MDN1: variants seen among roughly 807,000 people sequenced by gnomAD.
MDN1 encodes midasin AAA ATPase 1, also known as midasin.
A neutral mutation model predicts 669.2 loss-of-function variants in MDN1; 266 were observed. The ratio of observed to expected loss-of-function variants is 0.40; its 90% confidence interval spans 0.36 to 0.44. The LOEUF is 0.44. MDN1 is among the 20% of genes least tolerant of loss of function. The probability of loss-of-function intolerance (pLI) is 1.00; values close to 1 mark genes in which losing one functional copy is unlikely to be tolerated. For missense variants in MDN1, 5,940 were observed against 6,754.0 expected (o/e 0.88, Z 4.22); for synonymous variants, 2,385 against 2,457.1 (o/e 0.97, Z 0.87).
intron 58 of MDN1, 39 bp downstream of exon 58, chr6:89,699,562 A>G (rs774881976): frequency 7.3e-5 from 114 of 1,570,558 alleles, no homozygotes; most frequent in Admixed American, 3.0e-4. Context: ...TAACCAACTC[A>G]TAATGTAAAG....
intron 15 of MDN1, among the ~76,000 whole-genome samples, chr6:89,768,491 T>G (rs923956062): frequency 2.6e-5 from 4 of 152,206 alleles, no homozygotes; most frequent in Admixed American, 2.0e-4. Flanking sequence ...TCTTTGTAAA[T>G]TATCCAGTCT....
rs1327350109 is a variant in MDN1 at position 89,730,775 on chromosome 6, G to T, written c.5091C>A (p.Phe1697Leu). The T allele has an allele frequency of 6.2e-7, 1 of 1,614,012 alleles. No homozygotes were observed. The highest frequency in any genetic ancestry group is 8.5e-7 in the Non-Finnish European group (1 of 1,179,950). The part of the protein sequence containing the change: ...KIYDRMKAKE[F>L]TGIDNLWGIH... The stretch of plus-strand genomic sequence containing the variant: ...TTCCCCAAAGGTTATCTATTCCAGT[G>T]AATTCTTTGGCCTTCATTCTGTCAT... Residue 1697 changes from phenylalanine (F) to leucine (L), a missense_variant, in exon 35 of 102, where the codon TTC becomes TTA. Physicochemically the swap from Phe to Leu is conservative, Grantham distance 22. This residue lies in a region of MDN1 where 2,292 missense variants were observed against 2,638.3 expected (regional missense o/e 0.87). Transcript: ENST00000369393.
At chr6:89,770,790 G>A (rs939277282) in intron 15 of MDN1, among the ~76,000 whole-genome samples, 1 of 151,994 alleles carries the variant, frequency 6.6e-6, no homozygotes, top group Non-Finnish European at 1.5e-5. Context: ...GGTGTGAGCC[G>A]CCACGCCTGG....
At chr6:89,747,275 A>G (rs1400088276) in intron 27 of MDN1, 54 bp downstream of exon 27, 2 of 1,579,784 alleles carry the variant, frequency 1.3e-6, no homozygotes, top group Non-Finnish European at 1.7e-6. Context: ...GTTTTAATAA[A>G]AAGTTTGACA....
Position 89,758,879 on chromosome 6 carries a change from A to G in MDN1, c.2542T>C (p.Cys848Arg), listed in dbSNP as rs765502065. ...INLAAPEILE[C>R]LSGLLEGSSG... Reference sequence around the variant, plus strand: ...GATCCTTCAAGCAAACCACTCAGACATTCTAGTATTTCTGGAGCAGCCAAG... The same window carrying G: ...GATCCTTCAAGCAAACCACTCAGACGTTCTAGTATTTCTGGAGCAGCCAAG... The change falls in exon 18 of 102, where the codon TGT (cysteine) becomes CGT (arginine). Residue 848 changes from cysteine to arginine, a missense_variant. Physicochemically the swap from Cys to Arg is radical, Grantham distance 180. Around this residue, in one of 5 missense-constraint regions of MDN1, gnomAD observed 1,203 missense variants for 1,268.9 expected, o/e 0.95. Transcript: ENST00000369393. 4 of 1,614,062 alleles carry G rather than the reference A, an allele frequency of 2.5e-6. No individual in the cohort carries two copies. The highest frequency in any genetic ancestry group is 3.4e-6 in the Non-Finnish European group (4 of 1,180,016).
intron 46 of MDN1, among the ~76,000 whole-genome samples, chr6:89,713,683 C>G (rs911318048): frequency 6.6e-6 from 1 of 152,148 alleles, no homozygotes; most frequent in South Asian, 2.1e-4. Context: ...TTATTATTAA[C>G]TGATAAATTA....
In MDN1 at chr6:89,713,299, A is replaced by G. The variant is rs368406790; in HGVS notation, c.7070-3T>C. On this transcript the variant is annotated splice_region_variant and splice_polypyrimidine_tract_variant and intron_variant, in intron 46 of 101. Transcript: ENST00000369393. ...TGATACAGAAGATGTTGGAGAACCTATTAAAAAAAAATTGCCATCTATAAA... is the reference window on the plus strand; with the variant it reads ...TGATACAGAAGATGTTGGAGAACCTGTTAAAAAAAAATTGCCATCTATAAA... The G allele has an allele frequency of 6.2e-7, 1 of 1,603,226 alleles. No individual in the cohort carries two copies.
At position 89,700,244 on chromosome 6, in the gene MDN1, C is replaced by G. The variant is rs753107886; in HGVS notation, c.8689G>C (p.Gly2897Arg). The G allele has an allele frequency of 1.8e-5, 29 of 1,614,046 alleles. No homozygotes were observed. Among genetic ancestry groups the G allele is most frequent in the Non-Finnish European group, 2.5e-5 (29 of 1,180,024 alleles). The change falls in exon 57 of 102, where the codon GGA becomes CGA. Residue 2897 changes from glycine (G) to arginine (R), a missense_variant. By Grantham distance (125) the Gly-to-Arg change is moderately radical. Transcript: ENST00000369393. The stretch of plus-strand genomic sequence containing the variant: ...TTCTCCAGAAAACCAAGTGAGAGTC[C>G]TTTGGCTTTCAGTTCTAAACACTGA... ...HAQCLELKAK[G>R]LSLGFLEKKH...
At position 89,659,370 on chromosome 6, in the gene MDN1, C is replaced by T. The variant is rs181405339; in HGVS notation, c.14714-453G>A. Among the ~76,000 whole-genome samples the T allele has an allele frequency of 4.7e-4, 72 of 152,298 alleles. 1 individual carries two copies. The highest frequency in any genetic ancestry group is 2.6e-4 in the Non-Finnish European group (18 of 68,018). On this transcript the variant is annotated intron_variant, in intron 88 of 101. Coordinates refer to ENST00000369393, the MANE Select transcript of MDN1 (RefSeq NM_014611.3). ...TCTGGGTGAGAGGGCAAGACCCTGT[C>T]TCCAAAAACAAGTAAAGTTTTTACT...
In MDN1 at chr6:89,700,688, C is replaced by A. The variant is rs767973377; in HGVS notation, c.8596G>T (p.Gly2866Ter). The A allele has an allele frequency of 1.3e-5, 21 of 1,614,038 alleles. No individual in the cohort carries two copies. The highest frequency in any genetic ancestry group is 1.7e-6 in the Non-Finnish European group (2 of 1,180,042). ...AAAATATTTGCTCTGAGGATCAGTC[C>A]CCAGGCTTGCAGGAGACTTTTCTTT... Reference protein sequence around the residue: ...TLKKSLLQAWGLILRANILED... With the variant: ...TLKKSLLQAW Residue 2866 changes from glycine (G) to a stop codon, truncating the protein, a stop_gained, in exon 56 of 102, where the codon GGA becomes TGA. Transcript: ENST00000369393. LOFTEE classifies it high-confidence loss of function.
At chr6:89,721,820 GAACA>G (rs1814842146) in intron 40 of MDN1, among the ~76,000 whole-genome samples, 1 of 152,098 alleles carries the variant, frequency 6.6e-6, no homozygotes, top group African/African-American at 2.4e-5. Flanking sequence ...AAAAAAATAA[GAACA>G]AACAGAATGG....
chr6:89,816,401 G>A lies in MDN1; in HGVS notation c.102+3105C>T, dbSNP rs149614430. The stretch of plus-strand genomic sequence containing the variant: ...GGTGACAGAGCAAGACTCCATCTCC[G>A]TCTAGGGGCGGGGGTGAGGAGACTG... On this transcript the variant is annotated intron_variant, in intron 1 of 101. Transcript: ENST00000369393. Among the ~76,000 whole-genome samples, 267 of 143,968 alleles carry A rather than the reference G, an allele frequency of 1.9e-3. 6 individuals carry two copies. In the Middle Eastern group the frequency reaches 0.021, roughly 11 times the overall value. The allele number at this position is 143,968 out of a possible 152,430, so 94.4% of individuals were successfully genotyped here.
chr6:89,698,940 G>A lies in MDN1; in HGVS notation c.9093C>T (p.Tyr3031=), dbSNP rs771707251. ...CAGGCAAAGGGTTCCACATTAGCCAGTACTCTGGATTTGTGGTCACAGTAC... is the reference window on the plus strand; with the variant it reads ...CAGGCAAAGGGTTCCACATTAGCCAATACTCTGGATTTGTGGTCACAGTAC... The part of the protein sequence containing the change: ...WSSTVTTNPE[Y]WLMWNPLPGM... The change falls in exon 59 of 102, where the codon TAC becomes TAT. Residue 3031 remains tyrosine (Y), a synonymous_variant. Transcript: ENST00000369393. 3.7e-6 allele frequency: 6 copies of A among 1,613,980 alleles called. No individual in the cohort carries two copies. The highest frequency in any genetic ancestry group is 4.2e-6 in the Non-Finnish European group (5 of 1,180,004).
In MDN1 at chr6:89,781,578, T is replaced by G; in HGVS notation, c.1464A>C (p.Arg488Ser). 6.2e-7 allele frequency: 1 copy of G among 1,601,856 alleles called. No individual in the cohort carries two copies. The highest frequency in any genetic ancestry group is 2.2e-5 in the East Asian group (1 of 44,638). The change falls in exon 10 of 102, where the codon AGA becomes AGC. Residue 488 changes from arginine to serine, a missense_variant. Around this residue, in one of 5 missense-constraint regions of MDN1, gnomAD observed 1,203 missense variants for 1,268.9 expected, o/e 0.95. Transcript: ENST00000369393. ...KRELNEVLQS[R>S]YPSLLAVVDH... ...CAACCACTGCCAATAGGCTAGGATA[T>G]CTGCTCTGAAGAACCTGACAGAGGG...
At chr6:89,667,918 T>C in intron 84 of MDN1, 96 bp downstream of exon 84, 1 of 1,474,130 alleles carries the variant, frequency 6.8e-7, no homozygotes, top group Non-Finnish European at 9.2e-7. Context: ...AGATTAAAAA[T>C]TATTAACCTA....
Position 89,645,044 on chromosome 6 carries a change from A to C in MDN1, c.16573T>G (p.Phe5525Val), listed in dbSNP as rs1808400669. ...GAACTGGGATTGTCCAATACAACAA[A>C]GATGACAAAGATATTTGCATTCCGG... is the stretch of plus-strand genomic sequence containing the variant. ...AARNANIFVI[F>V]VVLDNPSSRD... Residue 5525 changes from phenylalanine to valine, a missense_variant, in exon 101 of 102, where the codon TTT becomes GTT. Physicochemically the swap from Phe to Val is conservative, Grantham distance 50. This residue lies in a region of MDN1 where 2,280 missense variants were observed against 2,576.3 expected (regional missense o/e 0.88). Coordinates refer to ENST00000369393, the MANE Select transcript of MDN1 (RefSeq NM_014611.3). The C allele has an allele frequency of 6.2e-7, 1 of 1,608,622 alleles. No homozygotes were observed. Among genetic ancestry groups the C allele is most frequent in the South Asian group, 1.1e-5 (1 of 90,916 alleles).
At chr6:89,659,900 T>C (rs968754612) in intron 88 of MDN1, among the ~76,000 whole-genome samples, 2 of 152,224 alleles carry the variant, frequency 1.3e-5, no homozygotes, top group Admixed American at 6.5e-5. Context: ...TTTTTTTATT[T>C]TTTTGAGATG....
chr6:89,760,539 C>T (rs1034122507), intron 17 of MDN1, among the ~76,000 whole-genome samples: 2 of 152,072 alleles, frequency 1.3e-5, no homozygotes, highest in African/African-American at 4.8e-5. Context: ...CTGTTCATTG[C>T]ACCACTATGC....
At chr6:89,680,494 G>T in intron 74 of MDN1, 95 bp downstream of exon 74, 1 of 1,429,646 alleles carries the variant, frequency 7.0e-7, no homozygotes, top group Non-Finnish European at 9.4e-7. Flanking sequence ...ACTACACAAG[G>T]TATCAAAAAA....
Sources: allele counts gnomAD v4.1 joint callset (sites outside exome capture counted in the v4.1 genomes callset), GRCh38; gene constraint gnomAD v4.1.1; regional missense constraint gnomAD v4.1.1; transcripts MANE v1.5; gene names NCBI Gene and HGNC (gene_info 2026-07-23, HGNC 2026-07-21).